Variants in PLEKHG4 observed in about 807,000 individuals in gnomAD.
The protein encoded by PLEKHG4 is pleckstrin homology and RhoGEF domain containing G4.
PLEKHG4 carries 85 observed loss-of-function variants against 136.9 expected under a neutral mutation model. That is an observed-to-expected ratio of 0.62 (90% confidence interval 0.52 to 0.74). The LOEUF is 0.74. Ranked by LOEUF, PLEKHG4 falls within the 30% of genes least tolerant of loss-of-function variation. PLEKHG4 has a pLI of 0.00. For missense variants in PLEKHG4, 1,317 were observed against 1,527.8 expected, an observed-to-expected ratio of 0.86 and a Z score of 2.30; for synonymous variants, 577 against 646.9, an observed-to-expected ratio of 0.89 and a Z score of 1.64.
intron 21 of PLEKHG4, 30 bp from the exon 22 acceptor site, chr16:67,288,773 C>CT: frequency 6.2e-7 from 1 of 1,613,486 alleles, no homozygotes; most frequent in Non-Finnish European, 8.5e-7. Flanking sequence ...GTCAGGGAAG[C>CT]AGGCATTCAT....
Position 67,286,883 on chromosome 16 carries a change from AG to A in PLEKHG4, c.2893del (p.Val965LeufsTer106). The stretch of plus-strand genomic sequence containing the variant: ...TCAGCAAGCCTCGCCATGGGCCCAC[AG>A]GGGTTGACACATTTGCCTACAAGCG... ...LFSKPRHGPT[G>X]VDTFAYKRSF... On this transcript the variant is annotated frameshift_variant, in exon 17 of 22. Transcript: ENST00000379344. LOFTEE classifies it high-confidence loss of function. 1.2e-6 allele frequency: 2 copies of A among 1,614,032 alleles called. No individual in the cohort carries two copies. Among genetic ancestry groups the A allele is most frequent in the Non-Finnish European group, 1.7e-6 (2 of 1,179,996 alleles).
Position 67,288,555 on chromosome 16 carries a change from G to A in PLEKHG4, c.3521G>A (p.Ser1174Asn). ...AGTGGCTCCAGTGGCTCTGACAGCAGCTGTGTGTCAGGGCAGGCCCTGGGT... is the reference window on the plus strand; with the variant it reads ...AGTGGCTCCAGTGGCTCTGACAGCAACTGTGTGTCAGGGCAGGCCCTGGGT... The part of the protein sequence containing the change: ...SASGSSGSDS[S>N]CVSGQALGRG... The change falls in exon 21 of 22, where the codon AGC becomes AAC. Residue 1174 changes from serine (S) to asparagine (N), a missense_variant. By Grantham distance (46) the Ser-to-Asn change is conservative (BLOSUM62 1). Transcript: ENST00000379344. The A allele has an allele frequency of 1.2e-6, 2 of 1,613,838 alleles. No individual in the cohort carries two copies. Among genetic ancestry groups the A allele is most frequent in the African/African-American group, 1.3e-5 (1 of 75,068 alleles).
intron 7 of PLEKHG4, 68 bp downstream of exon 7, chr16:67,281,905 G>C (rs2036245976): frequency 6.5e-7 from 1 of 1,550,072 alleles, no homozygotes; most frequent in Non-Finnish European, 8.9e-7. Context: ...GAGCCTCTCT[G>C]GGGCTGGCTT....
At chr16:67,286,411 C>T in intron 15 of PLEKHG4, 34 bp from the exon 16 acceptor site, 2 of 1,608,802 alleles carry the variant, frequency 1.2e-6, no homozygotes, top group Non-Finnish European at 1.7e-6. Context: ...GGGAGTGCCC[C>T]CAAACCACTC....
At position 67,289,477 on chromosome 16, in the gene PLEKHG4, T is replaced by G; in HGVS notation, c.*669T>G. The G allele has an allele frequency of 1.4e-6, 1 of 735,292 alleles. No individual in the cohort carries two copies. 45.5% of individuals were successfully genotyped at this position (735,292 alleles called of 1,614,324 possible). ...GTTTATAATAAAAAATAGACTGATA[T>G]GTACCCTCTGATGGGCACATGCATT... On this transcript the variant is annotated 3_prime_UTR_variant, in exon 22 of 22. Transcript: ENST00000379344.
chr16:67,289,105 T>C lies in PLEKHG4; in HGVS notation c.*297T>C. On this transcript the variant is annotated 3_prime_UTR_variant, in exon 22 of 22. Coordinates refer to ENST00000379344, the MANE Select transcript of PLEKHG4 (RefSeq NM_001129729.3). ...TAGGCTAGAGCAGACATTGGGTGTT[T>C]CCATGCTGTAGGCTGGTGGGGGACC... 1 of 545,416 alleles carries C rather than the reference T, an allele frequency of 1.8e-6. No homozygotes were observed. The highest frequency in any genetic ancestry group is 3.3e-5 in the East Asian group (1 of 30,732). 33.8% of individuals were successfully genotyped at this position (545,416 alleles called of 1,614,324 possible).
At position 67,285,222 on chromosome 16, in the gene PLEKHG4, G is replaced by A. The variant is rs758665960; in HGVS notation, c.2195+7G>A. The A allele has an allele frequency of 1.3e-5, 21 of 1,613,584 alleles. No individual in the cohort carries two copies. The highest frequency in any genetic ancestry group is 1.6e-5 in the Non-Finnish European group (19 of 1,180,028). ...ACCCCAGGAGCCTCAACAGGTATGG[G>A]CAGTAGGCAGGGCGGGGAGGGCAGT... On this transcript the variant is annotated splice_region_variant and intron_variant, in intron 13 of 21. Transcript: ENST00000379344.
At chr16:67,278,046 G>A (rs1015261778), upstream of PLEKHG4, 2 of 152,386 alleles carry the variant, frequency 1.3e-5, no homozygotes, top group Admixed American at 6.5e-5. Flanking sequence ...GGGCTCCTGG[G>A]GGACTTGGCT....
Position 67,280,202 on chromosome 16 carries a change from C to T in PLEKHG4, c.158C>T (p.Ala53Val). 1 of 1,613,866 alleles carries T rather than the reference C, an allele frequency of 6.2e-7. No homozygotes were observed. Among genetic ancestry groups the T allele is most frequent in the Non-Finnish European group, 8.5e-7 (1 of 1,179,958 alleles). ...GACCCAGGTCCTCCAAGACCACCAGCCGGGGCCACCCAGGATGAGGAGCTA... is the reference window on the plus strand; with the variant it reads ...GACCCAGGTCCTCCAAGACCACCAGTCGGGGCCACCCAGGATGAGGAGCTA... The part of the protein sequence containing the change: ...VKDPGPPRPP[A>V]GATQDEELQG... Residue 53 changes from alanine to valine, a missense_variant, in exon 2 of 22, where the codon GCC becomes GTC. By Grantham distance (64) the Ala-to-Val change is moderately conservative (BLOSUM62 0). Transcript: ENST00000379344. The surrounding 1 kb of genome is among the most constrained non-coding windows in gnomAD (Gnocchi z 4.4).
Position 67,288,486 on chromosome 16 carries a change from T to C in PLEKHG4, c.3455-3T>C. The C allele has an allele frequency of 1.2e-6, 2 of 1,614,190 alleles. No homozygotes were observed. Among genetic ancestry groups the C allele is most frequent in the Non-Finnish European group, 1.7e-6 (2 of 1,180,010 alleles). ...TGACAGTTCACCCAGTCTCCCTCCC[T>C]AGCTGCTGAGGACTCAGAGATCTCG... On this transcript the variant is annotated splice_polypyrimidine_tract_variant and splice_region_variant and intron_variant, in intron 20 of 21. Transcript: ENST00000379344.
chr16:67,288,457 G>A (rs545189111), intron 20 of PLEKHG4, 32 bp from the exon 21 acceptor site: 60 of 1,613,666 alleles, frequency 3.7e-5, no homozygotes, highest in Admixed American at 8.3e-5. Context: ...GGGGCTTCCC[G>A]TGCTGACAGT....
Position 67,282,503 on chromosome 16 carries a change from G to A in PLEKHG4, c.1254G>A (p.Arg418=), listed in dbSNP as rs768722486. Residue 418 remains arginine (R), a splice_region_variant and synonymous_variant, in exon 10 of 22, where the codon AGG becomes AGA. Coordinates refer to ENST00000379344, the MANE Select transcript of PLEKHG4 (RefSeq NM_001129729.3). ...TCTAAGATGGTATACCCTACACCAG[G>A]ACGGCAATGGACAAGGCTGACGAGC... The part of the protein sequence containing the change: ...VPEVTLSPDY[R]TAMDKADELY... 6 of 1,613,992 alleles carry A rather than the reference G, an allele frequency of 3.7e-6. No individual in the cohort carries two copies. The highest frequency in any genetic ancestry group is 4.2e-6 in the Non-Finnish European group (5 of 1,180,058).
chr16:67,285,346 T>C lies in PLEKHG4; in HGVS notation c.2252T>C (p.Leu751Pro). The C allele has an allele frequency of 6.2e-7, 1 of 1,614,218 alleles. No individual in the cohort carries two copies. The highest frequency in any genetic ancestry group is 1.3e-5 in the African/African-American group (1 of 75,056). ...ACGGAGCGGGAGTATGTCCGGGCTC[T>C]AGAGTACACTATGGAGAACTATTTC... ...VATEREYVRA[L>P]EYTMENYFPE... The change falls in exon 14 of 22, where the codon CTA becomes CCA. Residue 751 changes from leucine to proline, a missense_variant. Physicochemically the swap from Leu to Pro is moderately conservative, Grantham distance 98 (BLOSUM62 -3). Coordinates refer to ENST00000379344, the MANE Select transcript of PLEKHG4 (RefSeq NM_001129729.3).
chr16:67,283,003 T>C, intron 11 of PLEKHG4, 145 bp downstream of exon 11: 1 of 712,144 alleles, frequency 1.4e-6, no homozygotes, highest in South Asian at 1.6e-5. Flanking sequence ...TTAATCACAG[T>C]CATATATGTG....
In PLEKHG4 at chr16:67,288,582, G is replaced by A; in HGVS notation, c.3548G>A (p.Arg1183Lys). The A allele has an allele frequency of 1.2e-6, 2 of 1,612,764 alleles. No individual in the cohort carries two copies. The highest frequency in any genetic ancestry group is 1.7e-6 in the Non-Finnish European group (2 of 1,178,674). The change falls in exon 21 of 22, where the codon AGG becomes AAG. Residue 1183 changes from arginine to lysine, a missense_variant. Transcript: ENST00000379344. ...SSCVSGQALG[R>K]GLEDLPCV ...TGTGTGTCAGGGCAGGCCCTGGGTA[G>A]GGGCCTGGAGGACTTACCCTGTGTG... is the stretch of plus-strand genomic sequence containing the variant.
In PLEKHG4 at chr16:67,281,579, G is replaced by A. The variant is rs767186179; in HGVS notation, c.826G>A (p.Gly276Arg). Reference protein sequence around the residue: ...GLSQLQEAAPGAVYQVLLVGS... With the variant: ...GLSQLQEAAPRAVYQVLLVGS... ...AGGTTCCTTGCAGGAAGCAGCCCCA[G>A]GGGCCGTGTACCAGGTGCTGCTAGT... Residue 276 changes from glycine to arginine, a missense_variant, in exon 6 of 22, where the codon GGG (glycine) becomes AGG (arginine). Gly to Arg is a moderately radical substitution (Grantham distance 125). Transcript: ENST00000379344. The A allele has an allele frequency of 3.7e-6, 6 of 1,613,674 alleles. No individual in the cohort carries two copies. Among genetic ancestry groups the A allele is most frequent in the Non-Finnish European group, 4.2e-6 (5 of 1,179,812 alleles).
In PLEKHG4 at chr16:67,288,946, T is replaced by G. The variant is rs2036619519; in HGVS notation, c.*138T>G. On this transcript the variant is annotated 3_prime_UTR_variant, in exon 22 of 22. Transcript: ENST00000379344. ...ATGTGCAACGCTGTTGACTACCCTT[T>G]CTGATGTGTGTGGCCATTGGACTAA... is the stretch of plus-strand genomic sequence containing the variant. 4 of 983,614 alleles carry G rather than the reference T, an allele frequency of 4.1e-6. No individual in the cohort carries two copies. Among genetic ancestry groups the G allele is most frequent in the African/African-American group, 1.6e-5 (1 of 62,452 alleles). The allele number at this position is 983,614 out of a possible 1,614,324, so 60.9% of individuals were successfully genotyped here.
intron 7 of PLEKHG4, 51 bp from the exon 8 acceptor site, chr16:67,281,958 C>T: frequency 6.4e-7 from 1 of 1,562,428 alleles, no homozygotes; most frequent in Non-Finnish European, 8.8e-7. Context: ...ACCCAGGAAG[C>T]CCAGGACCAA....
At chr16:67,277,936 A>C (rs2036053610), upstream of PLEKHG4, 1 of 152,336 alleles carries the variant, frequency 6.6e-6, no homozygotes, top group African/African-American at 2.4e-5. Flanking sequence ...TGCTGTGCCC[A>C]GGGTGCCAGG....
Sources: allele counts gnomAD v4.1 joint callset, GRCh38; gene constraint gnomAD v4.1.1; non-coding constraint Gnocchi (gnomAD v3.1); transcripts MANE v1.5; gene names NCBI Gene and HGNC (gene_info 2026-07-23, HGNC 2026-07-21).